Variants in SCAMP3 observed in about 807,000 individuals in gnomAD.
SCAMP3 encodes the protein secretory carrier-associated membrane protein 3.
In SCAMP3, 30 loss-of-function variants were observed where a neutral mutation model predicts 44.1. That is an observed-to-expected ratio of 0.68 (90% CI 0.51 to 0.92). The LOEUF is 0.92. Ranked by LOEUF, SCAMP3 falls within the 40% of genes least tolerant of loss-of-function variation. The pLI, the probability that SCAMP3 is intolerant of heterozygous loss-of-function variation, is 0.00. For missense variants in SCAMP3, 394 were observed against 440.0 expected, an observed-to-expected ratio of 0.90 and a Z score of 0.93; for synonymous variants, 168 against 171.1, an observed-to-expected ratio of 0.98 and a Z score of 0.14.
rs762647273 is a variant in SCAMP3, at chr1:155,257,383, A to G, written c.681T>C (p.Ser227=). Reference sequence around the variant, plus strand: ...AAACGAAGAAATTGAATGAACTGTCACTCCTACAAAGAGGAAAAAAATGGG... The same window carrying G: ...AAACGAAGAAATTGAATGAACTGTCGCTCCTACAAAGAGGAAAAAAATGGG... ...WYRPMYKAFR[S]DSSFNFFVFF... Residue 227 remains serine, a synonymous_variant, in exon 7 of 9, where the codon AGT becomes AGC. Transcript: ENST00000302631. 2 of 1,612,942 alleles carry G rather than the reference A, an allele frequency of 1.2e-6. No individual in the cohort carries two copies. Among genetic ancestry groups the G allele is most frequent in the Non-Finnish European group, 1.7e-6 (2 of 1,179,336 alleles).
rs1011718033 is a variant in SCAMP3 at position 155,258,959 on chromosome 1, A to G, written c.389-5T>C. 6.2e-7 allele frequency: 1 copy of G among 1,607,054 alleles called. No homozygotes were observed. Among genetic ancestry groups the G allele is most frequent in the African/African-American group, 1.3e-5 (1 of 74,286 alleles). ...GGGGCCAATTGTTCTGTCGAGCTGTAAGGCACAAAAAAACAGGTGGACCCC... is the reference window on the plus strand; with the variant it reads ...GGGGCCAATTGTTCTGTCGAGCTGTGAGGCACAAAAAAACAGGTGGACCCC... On this transcript the variant is annotated splice_region_variant and splice_polypyrimidine_tract_variant and intron_variant, in intron 4 of 8. Transcript: ENST00000302631.
At chr1:155,256,647 C>T (rs752012413) in intron 8 of SCAMP3, 27 bp downstream of exon 8, 61 of 1,590,510 alleles carry the variant, frequency 3.8e-5, no homozygotes, top group Admixed American at 1.0e-4. Flanking sequence ...CTCACCATCC[C>T]GGCCCCACCT....
At position 155,262,292 on chromosome 1, in the gene SCAMP3, A is replaced by G. The variant is rs1672990613; in HGVS notation, c.-141T>C. The stretch of plus-strand genomic sequence containing the variant: ...GCACGGATTGGTTCCACCGACCGGA[A>G]GGGCCACAAGGATCCCCGCAGCAGC... On this transcript the variant is annotated 5_prime_UTR_variant, in exon 1 of 9. Transcript: ENST00000302631. 1 of 721,358 alleles carries G rather than the reference A, an allele frequency of 1.4e-6. No individual in the cohort carries two copies. Among genetic ancestry groups the G allele is most frequent in the African/African-American group, 1.8e-5 (1 of 56,036 alleles). 44.7% of individuals were successfully genotyped at this position (721,358 alleles called of 1,614,324 possible). A position where few individuals can be genotyped will look rare whatever the true frequency, so the allele number is the denominator to read the frequency against.
At chr1:155,260,191 C>CTCGT in intron 4 of SCAMP3, 139 bp downstream of exon 4, 1 of 1,000,282 alleles carries the variant, frequency 1.0e-6, no homozygotes, top group South Asian at 1.5e-5. Flanking sequence ...ATCTCTTGAC[C>CTCGT]TCGTGATCCG....
At chr1:155,257,454 C>T (rs747409384) in intron 6 of SCAMP3, 44 bp downstream of exon 6, 20 of 1,609,902 alleles carry the variant, frequency 1.2e-5, no homozygotes, top group South Asian at 2.2e-5. Flanking sequence ...AGACGTGGGG[C>T]CCATCCCAGG....
At position 155,256,282 on chromosome 1, in the gene SCAMP3, C is replaced by T; in HGVS notation, c.1035G>A (p.Arg345=). 6.3e-7 allele frequency: 1 copy of T among 1,577,042 alleles called. No homozygotes were observed. The highest frequency in any genetic ancestry group is 8.6e-7 in the Non-Finnish European group (1 of 1,157,272). The change falls in exon 9 of 9, where the codon CGG becomes CGA. Residue 345 remains arginine, a synonymous_variant. Coordinates refer to ENST00000302631, the MANE Select transcript of SCAMP3 (RefSeq NM_005698.4). The part of the protein sequence containing the change: ...AAAGAAENAF[R]AP ...GCATCCCAGTCAGGGGTCACGGGGC[C>T]CGGAAGGCATTTTCAGCAGCCCCAG...
chr1:155,256,430 A>G lies in SCAMP3; in HGVS notation c.898-11T>C, dbSNP rs754460678. The G allele has an allele frequency of 4.5e-6, 7 of 1,571,004 alleles. No individual in the cohort carries two copies. The highest frequency in any genetic ancestry group is 1.7e-4 in the Middle Eastern group (1 of 5,840). On this transcript the variant is annotated splice_polypyrimidine_tract_variant and intron_variant, in intron 8 of 8. Transcript: ENST00000302631. ...GTATAAGGAGTGGATCTGCAAGTAG[A>G]GGACAAAGACATTACCGCCCATTCC... is the stretch of plus-strand genomic sequence containing the variant.
intron 5 of SCAMP3, among the ~76,000 whole-genome samples, chr1:155,258,506 T>C (rs1051197931): frequency 1.3e-5 from 2 of 151,786 alleles, no homozygotes; most frequent in Non-Finnish European, 2.9e-5. Context: ...CCAGGTAATT[T>C]TGTATTTTTA....
At chr1:155,260,243 C>T (rs977036767) in intron 4 of SCAMP3, 87 bp downstream of exon 4, 1 of 1,531,358 alleles carries the variant, frequency 6.5e-7, no homozygotes, top group South Asian at 1.2e-5. Flanking sequence ...TAGGTGTGAG[C>T]CACCGCACCC....
chr1:155,258,422 C>G (rs950622386), intron 5 of SCAMP3, among the ~76,000 whole-genome samples: 1 of 147,740 alleles, frequency 6.8e-6, no homozygotes, highest in Non-Finnish European at 1.5e-5. Flanking sequence ...TTGCAACCTC[C>G]ACTTCCCGGG....
Position 155,260,387 on chromosome 1 carries a change from C to T in SCAMP3, c.331G>A (p.Glu111Lys), listed in dbSNP as rs566125652. The T allele has an allele frequency of 1.2e-6, 2 of 1,613,954 alleles. No homozygotes were observed. The highest frequency in any genetic ancestry group is 3.3e-5 in the Admixed American group (2 of 60,028). The change falls in exon 4 of 9, where the codon GAG (glutamate) becomes AAG (lysine). Residue 111 changes from glutamate (E) to lysine (K), a missense_variant. By Grantham distance (56) the Glu-to-Lys change is moderately conservative. Transcript: ENST00000302631. The part of the protein sequence containing the change: ...KKQEELNRKA[E>K]ELDRRERELQ... The stretch of plus-strand genomic sequence containing the variant: ...TCTCGCTCCCTTCGGTCCAACTCCT[C>T]TGCCTTCCGGTTGAGCTCCTCCTGT...
Position 155,260,453 on chromosome 1 carries a change from G to T in SCAMP3, c.268-3C>A. ...GCTGTGGCTGCTGCAGCTGAGGCCTGCCCAGTGTGAGCAGACGGAGATGTG... is the reference window on the plus strand; with the variant it reads ...GCTGTGGCTGCTGCAGCTGAGGCCTTCCCAGTGTGAGCAGACGGAGATGTG... On this transcript the variant is annotated splice_region_variant and splice_polypyrimidine_tract_variant and intron_variant, in intron 3 of 8. Coordinates refer to ENST00000302631, the MANE Select transcript of SCAMP3 (RefSeq NM_005698.4). 6.2e-7 allele frequency: 1 copy of T among 1,614,160 alleles called. No individual in the cohort carries two copies. Among genetic ancestry groups the T allele is most frequent in the Non-Finnish European group, 8.5e-7 (1 of 1,180,042 alleles).
chr1:155,256,650 C>A, intron 8 of SCAMP3, 24 bp downstream of exon 8: 4 of 1,595,792 alleles, frequency 2.5e-6, no homozygotes, highest in Non-Finnish European at 3.4e-6. Context: ...ACCATCCCGG[C>A]CCCACCTTCG....
Position 155,260,653 on chromosome 1 carries a change from G to A in SCAMP3, c.151C>T (p.Pro51Ser). The change falls in exon 3 of 9, where the codon CCA becomes TCA. Residue 51 changes from proline to serine, a missense_variant. Coordinates refer to ENST00000302631, the MANE Select transcript of SCAMP3 (RefSeq NM_005698.4). ...YNPFETREPP[P>S]AYEPPAPAPL... is the part of the protein sequence containing the mutation. ...GCAGGGGCTGGAGGCTCATAGGCTGGTGGTGGCTGTTGAGGAAAAGACCTT... is the reference window on the plus strand; with the variant it reads ...GCAGGGGCTGGAGGCTCATAGGCTGATGGTGGCTGTTGAGGAAAAGACCTT... The A allele has an allele frequency of 6.2e-7, 1 of 1,608,688 alleles. No individual in the cohort carries two copies. The highest frequency in any genetic ancestry group is 8.5e-7 in the Non-Finnish European group (1 of 1,177,550).
chr1:155,262,327 C>A lies in SCAMP3; in HGVS notation c.-176G>T. The A allele has an allele frequency of 1.6e-6, 1 of 610,882 alleles. No homozygotes were observed. Among genetic ancestry groups the A allele is most frequent in the Non-Finnish European group, 2.8e-6 (1 of 352,330 alleles). The allele number at this position is 610,882 out of a possible 1,614,324, so 37.8% of individuals were successfully genotyped here. A position where few individuals can be genotyped will look rare whatever the true frequency, so the allele number is the denominator to read the frequency against. On this transcript the variant is annotated 5_prime_UTR_variant, in exon 1 of 9. Transcript: ENST00000302631. Reference sequence around the variant, plus strand: ...GGATCCCCGCAGCAGCCGTGGGTTGCGCCTGCGTCTTGTCCAAAAGCTAAG... The same window carrying A: ...GGATCCCCGCAGCAGCCGTGGGTTGAGCCTGCGTCTTGTCCAAAAGCTAAG...
chr1:155,259,046 CTTTTTTTTT>C, intron 4 of SCAMP3, 92 bp from the exon 5 acceptor site: 2 of 487,006 alleles, frequency 4.1e-6, no homozygotes, highest in Non-Finnish European at 3.1e-6. Context: ...TGGATCCTCT[CTTTTTTTTT>C]TTTTTTTTTT....
At chr1:155,261,560 T>G (rs1304717877) in intron 2 of SCAMP3, 97 bp downstream of exon 2, 2 of 1,062,706 alleles carry the variant, frequency 1.9e-6, no homozygotes, top group Non-Finnish European at 2.9e-6. Flanking sequence ...TGCCTCTTCC[T>G]TCCTGTGCAT....
chr1:155,259,106 G>T, intron 4 of SCAMP3, 152 bp from the exon 5 acceptor site: 1 of 628,446 alleles, frequency 1.6e-6, no homozygotes, highest in East Asian at 3.4e-5. Context: ...GAAGGTAGTG[G>T]TATGATCATG....
At position 155,257,326 on chromosome 1, in the gene SCAMP3, G is replaced by C. The variant is rs756248615; in HGVS notation, c.738C>G (p.Leu246=). ...GGATACCAATGGCCTGGAGGACAAA[G>C]AGCACATCCTGGACGAAGAAAATGA... The part of the protein sequence containing the change: ...FFFIFFVQDV[L]FVLQAIGIPG... Residue 246 remains leucine (L), a synonymous_variant, in exon 7 of 9, where the codon CTC becomes CTG. Transcript: ENST00000302631. The C allele has an allele frequency of 6.2e-7, 1 of 1,614,026 alleles. No individual in the cohort carries two copies. Among genetic ancestry groups the C allele is most frequent in the East Asian group, 2.2e-5 (1 of 44,884 alleles).
Sources: allele counts gnomAD v4.1 joint callset (sites outside exome capture counted in the v4.1 genomes callset), GRCh38; gene constraint gnomAD v4.1.1; transcripts MANE v1.5; gene names NCBI Gene and HGNC (gene_info 2026-07-23, HGNC 2026-07-21).